IFT46: variants seen among roughly 807,000 people sequenced by gnomAD.
The protein encoded by IFT46 is intraflagellar transport protein 46 homolog.
In IFT46, 19 loss-of-function variants were observed where a neutral mutation model predicts 39.6. That is an observed-to-expected ratio of 0.48 (90% CI 0.33 to 0.70). The LOEUF is 0.70. IFT46 is among the 30% of genes least tolerant of loss of function. The pLI is 0.01. For missense variants in IFT46, 334 were observed against 364.8 expected (o/e 0.92, Z 0.69); for synonymous variants, 117 against 134.8 (o/e 0.87, Z 0.91).
upstream of IFT46, among the ~76,000 whole-genome samples, chr11:118,575,686 G>A (rs1207634135): frequency 2.6e-5 from 4 of 152,092 alleles, no homozygotes; most frequent in East Asian, 1.9e-4. Context: ...AAAATATTGC[G>A]GTGAATTACA....
rs1555069757 is a variant in IFT46, at chr11:118,557,527, A to G, written c.46-482T>C. 8.6e-6 allele frequency: 5 copies of G among 581,232 alleles called. No individual in the cohort carries two copies. The East Asian group carries it at 1.6e-4, about 18-fold the overall frequency. 36.0% of individuals were successfully genotyped at this position (581,232 alleles called of 1,614,324 possible). ...TGCCCAGCATAAGCTGCTTGAAACT[A>G]TCAAAAGAAGAAAGTTCAAAATCAA... is the stretch of plus-strand genomic sequence containing the variant. On this transcript the variant is annotated intron_variant, in intron 3 of 11. Coordinates refer to ENST00000264021, the MANE Select transcript of IFT46 (RefSeq NM_001168618.2).
chr11:118,544,951 G>A lies in IFT46; in HGVS notation c.880C>T (p.Gln294Ter). 1 of 1,613,742 alleles carries A rather than the reference G, an allele frequency of 6.2e-7. No homozygotes were observed. The highest frequency in any genetic ancestry group is 8.5e-7 in the Non-Finnish European group (1 of 1,179,772). Residue 294 changes from glutamine (Q) to a stop codon, truncating the protein, a stop_gained, in exon 12 of 12, where the codon CAA becomes TAA. Transcript: ENST00000264021. LOFTEE classifies it high-confidence loss of function. ...AFTPSSNSTS[Q>*]AGDMETLTFS ...GTTAATGTCTCCATGTCTCCAGCTT[G>A]GGAGGTGGAATTGGATGAAGGAGTG...
At chr11:118,572,344 C>CG in intron 1 of IFT46, 1 of 118,614 alleles carries the variant, frequency 8.4e-6, no homozygotes, top group African/African-American at 3.6e-5. Context: ...AGCCCACAGG[C>CG]CCCGCCCCCC....
chr11:118,565,309 G>C (rs972777144), intron 1 of IFT46, among the ~76,000 whole-genome samples: 2 of 151,994 alleles, frequency 1.3e-5, no homozygotes, highest in Admixed American at 6.6e-5. Context: ...ATCGTGGAGG[G>C]AAAGAGAGCC....
intron 11 of IFT46, 142 bp from the exon 12 acceptor site, chr11:118,545,153 A>G: frequency 1.4e-6 from 1 of 723,400 alleles, no homozygotes; most frequent in Admixed American, 2.3e-5. Flanking sequence ...TGAAAGAACG[A>G]GTGTCCTCTG....
Position 118,559,812 on chromosome 11 carries a change from A to G in IFT46, c.18T>C (p.Ser6=), listed in dbSNP as rs1555070261. The G allele has an allele frequency of 6.2e-7, 1 of 1,613,592 alleles. No individual in the cohort carries two copies. Among genetic ancestry groups the G allele is most frequent in the Non-Finnish European group, 8.5e-7 (1 of 1,179,512 alleles). The part of the protein sequence containing the change: MADNS[S]DECEEENNKE... ...TGTTATTTTCCTCTTCACACTCATCACTGCTGTTATCAGCCATAGCCTTGT... is the reference window on the plus strand; with the variant it reads ...TGTTATTTTCCTCTTCACACTCATCGCTGCTGTTATCAGCCATAGCCTTGT... Residue 6 remains serine, a synonymous_variant, in exon 3 of 12, where the codon AGT becomes AGC. Transcript: ENST00000264021.
chr11:118,546,226 G>A (rs367704353), intron 9 of IFT46: 24 of 714,324 alleles, frequency 3.4e-5, no homozygotes, highest in Non-Finnish European at 5.7e-5. Context: ...GTGGGGCGTG[G>A]TGGCTTCACG....
At chr11:118,567,527 G>T (rs1555071715), upstream of IFT46, among the ~76,000 whole-genome samples, 1 of 152,174 alleles carries the variant, frequency 6.6e-6, no homozygotes, top group Non-Finnish European at 1.5e-5. Flanking sequence ...GGTGAGCCGA[G>T]ATCGCACCAC....
chr11:118,575,583 C>T (rs55844025), upstream of IFT46, among the ~76,000 whole-genome samples: 21,174 of 152,098 alleles, frequency 0.14, 2,073 homozygotes, highest in East Asian at 0.52. Context: ...ATAATAGCTT[C>T]ATATAAATAG....
intron 9 of IFT46, among the ~76,000 whole-genome samples, 185 bp downstream of exon 9, chr11:118,551,601 G>T (rs1951802168): frequency 6.6e-6 from 1 of 150,878 alleles, no homozygotes; most frequent in Non-Finnish European, 1.5e-5. Flanking sequence ...TTGAGCCCGG[G>T]AGGTAGAGGC....
rs782103875 is a variant in IFT46, at chr11:118,552,240, C to T, written c.579G>A (p.Lys193=). Residue 193 remains lysine (K), a synonymous_variant, in exon 8 of 12, where the codon AAG becomes AAA. Transcript: ENST00000264021. The part of the protein sequence containing the change: ...IESISELHRS[K]PPATVHYTRP... ...TGGTGTAGTGCACAGTCGCAGGGGG[C>T]TTAGAACGGTGTAATTCAGAGATGC... is the stretch of plus-strand genomic sequence containing the variant. 1 of 1,614,146 alleles carries T rather than the reference C, an allele frequency of 6.2e-7. No individual in the cohort carries two copies. Among genetic ancestry groups the T allele is most frequent in the Non-Finnish European group, 8.5e-7 (1 of 1,180,022 alleles).
chr11:118,551,552 T>C (rs1171955025), intron 9 of IFT46, among the ~76,000 whole-genome samples: 9 of 150,446 alleles, frequency 6.0e-5, no homozygotes, highest in African/African-American at 2.2e-4. Context: ...TGCATGCCTG[T>C]GGTCCCAGCT....
chr11:118,552,277 G>GT lies in IFT46; in HGVS notation c.541dup (p.Thr181AsnfsTer4), dbSNP rs782672115. On this transcript the variant is annotated frameshift_variant, in exon 8 of 12. Transcript: ENST00000264021. LOFTEE classifies it high-confidence loss of function. ...TAATTCAGAGATGCTCTCAATCCACGTGTCAATGGCTTTGGGATTCTTTTC... is the reference window on the plus strand; with the variant it reads ...TAATTCAGAGATGCTCTCAATCCACGTTGTCAATGGCTTTGGGATTCTTTTC... The GT allele has an allele frequency of 3.7e-6, 6 of 1,614,174 alleles. No individual in the cohort carries two copies. The highest frequency in any genetic ancestry group is 2.2e-5 in the East Asian group (1 of 44,890).
intron 4 of IFT46, among the ~76,000 whole-genome samples, chr11:118,556,213 C>T (rs1482784394): frequency 1.3e-5 from 2 of 151,914 alleles, no homozygotes; most frequent in East Asian, 3.9e-4. Flanking sequence ...TTTGGGCGGC[C>T]GGGTGCAGTG....
chr11:118,548,045 CTTTTTTT>C (rs544682715), intron 9 of IFT46, among the ~76,000 whole-genome samples: 1 of 129,172 alleles, frequency 7.7e-6, no homozygotes, highest in Non-Finnish European at 1.7e-5. Context: ...CACGCCCAGC[CTTTTTTT>C]TTTTTTTTTT....
intron 2 of IFT46, among the ~76,000 whole-genome samples, chr11:118,562,234 G>A (rs181848333): frequency 1.3e-4 from 20 of 151,896 alleles, no homozygotes; most frequent in Admixed American, 8.5e-4. Flanking sequence ...CCGAGATCAC[G>A]CCATTGCACT....
At chr11:118,567,089 A>G (rs1317599039), upstream of IFT46, among the ~76,000 whole-genome samples, 3 of 151,922 alleles carry the variant, frequency 2.0e-5, no homozygotes, top group Non-Finnish European at 4.4e-5. Context: ...AAAAATAAAA[A>G]AAAAATTTTT....
intron 7 of IFT46, 52 bp downstream of exon 7, chr11:118,554,407 C>G (rs200243766): frequency 3.3e-6 from 5 of 1,525,204 alleles, no homozygotes; most frequent in Non-Finnish European, 4.4e-6. Context: ...AGCAAGGCCT[C>G]CTCCACTCTT....
At chr11:118,571,211 A>G (rs1435829311) in intron 1 of IFT46, among the ~76,000 whole-genome samples, 2 of 152,106 alleles carry the variant, frequency 1.3e-5, no homozygotes, top group Admixed American at 6.6e-5. Flanking sequence ...TGAGTGCCCC[A>G]TTGTATCCGT....
Sources: gnomAD v4.1 joint callset for allele counts (sites outside exome capture counted in the v4.1 genomes callset) on GRCh38, gnomAD v4.1.1 for gene constraint, MANE v1.5 for transcripts, NCBI Gene and HGNC (gene_info 2026-07-23, HGNC 2026-07-21) for gene names.